IL1RAPL2: variants seen among roughly 807,000 people sequenced by gnomAD.
IL1RAPL2 encodes the protein X-linked interleukin-1 receptor accessory protein-like 2.
Under a neutral mutation model 44.1 loss-of-function variants are expected in IL1RAPL2, and 3 were observed. That is an observed-to-expected ratio of 0.07 (90% CI 0.03 to 0.18). The LOEUF is 0.18. Among genes scored for constraint, IL1RAPL2 ranks in the 10% least tolerant of loss-of-function variants. IL1RAPL2 has a pLI of 1.00. For synonymous variants in IL1RAPL2, 181 were observed against 178.8 expected, an observed-to-expected ratio of 1.01 and a Z score of -0.10; for missense variants, 391 against 496.4, an observed-to-expected ratio of 0.79 and a Z score of 2.02.
At chrX:104,639,988 C>T (rs1226585978) in intron 1 of IL1RAPL2, among the ~76,000 whole-genome samples, 4 of 111,430 alleles carry the variant, frequency 3.6e-5, no homozygotes, top group Non-Finnish European at 7.5e-5. Context: ...TTGTATCTGA[C>T]GGGATGGCTG....
chrX:105,034,674 G>A lies in IL1RAPL2; in HGVS notation c.83-160801G>A, dbSNP rs768543678. 8.0e-5 allele frequency among the ~76,000 whole-genome samples: 9 copies of A among 112,359 alleles called. No individual in the cohort carries two copies. The East Asian group carries it at 2.6e-3, about 32-fold the overall frequency. On this transcript the variant is annotated intron_variant, in intron 2 of 10. Transcript: ENST00000372582. Reference sequence around the variant, plus strand: ...CTACTGGGGGGTGCCTCCCAGTTAGGCTACTCTGGGGTCAGGGACCCACTT... The same window carrying A: ...CTACTGGGGGGTGCCTCCCAGTTAGACTACTCTGGGGTCAGGGACCCACTT...
intron 1 of IL1RAPL2, among the ~76,000 whole-genome samples, chrX:104,586,295 G>T (rs1298846187): frequency 9.0e-6 from 1 of 111,120 alleles, no homozygotes; most frequent in African/African-American, 3.3e-5. Flanking sequence ...AATGGGGTTT[G>T]ATTTTTGCTT....
intron 5 of IL1RAPL2, among the ~76,000 whole-genome samples, chrX:105,362,716 C>G (rs1426618288): frequency 9.0e-6 from 1 of 110,869 alleles, no homozygotes; most frequent in Non-Finnish European, 1.9e-5. Context: ...AAAAATAAAT[C>G]TAAATATTTT....
At chrX:105,361,348 G>T (rs1382412868) in intron 5 of IL1RAPL2, among the ~76,000 whole-genome samples, 1 of 111,001 alleles carries the variant, frequency 9.0e-6, no homozygotes, top group Non-Finnish European at 1.9e-5. Context: ...AAGTGAATAG[G>T]CCTGGAAGTG....
At chrX:105,482,019 T>C (rs2036236062) in intron 5 of IL1RAPL2, among the ~76,000 whole-genome samples, 1 of 112,468 alleles carries the variant, frequency 8.9e-6, no homozygotes, top group African/African-American at 3.2e-5. Flanking sequence ...ATGTATGTTT[T>C]ATACTCAAAA....
chrX:105,704,546 T>A (rs1231521241), intron 6 of IL1RAPL2, among the ~76,000 whole-genome samples: 1 of 112,130 alleles, frequency 8.9e-6, no homozygotes, highest in Non-Finnish European at 1.9e-5. Context: ...AAATATACTT[T>A]AAAAAATCTT....
At chrX:105,469,295 G>A (rs971968018) in intron 5 of IL1RAPL2, among the ~76,000 whole-genome samples, 2 of 110,601 alleles carry the variant, frequency 1.8e-5, no homozygotes, top group African/African-American at 6.6e-5. Context: ...TGTTTAGCCT[G>A]AAAGGGGAAG....
At chrX:105,640,021 T>C (rs190909771) in intron 6 of IL1RAPL2, among the ~76,000 whole-genome samples, 1 of 111,298 alleles carries the variant, frequency 9.0e-6, no homozygotes, top group African/African-American at 3.3e-5. Context: ...TCCAAAGATA[T>C]TCTGTGAAAA....
intron 2 of IL1RAPL2, among the ~76,000 whole-genome samples, chrX:104,968,446 A>G (rs1244329028): frequency 8.9e-6 from 1 of 111,937 alleles, no homozygotes; most frequent in East Asian, 2.8e-4. Flanking sequence ...TCAATGGTGA[A>G]ATGTTAGGTA....
intron 5 of IL1RAPL2, among the ~76,000 whole-genome samples, chrX:105,269,672 C>A (rs1345943939): frequency 1.8e-5 from 2 of 111,499 alleles, no homozygotes; most frequent in Non-Finnish European, 3.8e-5. Context: ...CAATCATGGG[C>A]AGTTGTACAT....
At chrX:104,753,795 C>T (rs1020022293) in intron 2 of IL1RAPL2, among the ~76,000 whole-genome samples, 1 of 111,561 alleles carries the variant, frequency 9.0e-6, no homozygotes, top group Non-Finnish European at 1.9e-5. Flanking sequence ...GAGAATAAAA[C>T]ATATGCAGCT....
At chrX:105,353,334 G>T (rs775783500) in intron 5 of IL1RAPL2, among the ~76,000 whole-genome samples, 9 of 111,281 alleles carry the variant, frequency 8.1e-5, no homozygotes, top group South Asian at 3.8e-4. Flanking sequence ...GTTACTGTAG[G>T]CTTGTAGTAT....
intron 2 of IL1RAPL2, among the ~76,000 whole-genome samples, chrX:105,095,657 A>C (rs1323461517): frequency 8.9e-6 from 1 of 111,887 alleles, no homozygotes; most frequent in African/African-American, 3.2e-5. Context: ...CAAAAGAATA[A>C]ATTTGGACCA....
At chrX:105,406,395 G>T (rs2035644688) in intron 5 of IL1RAPL2, 2 of 1,073,992 alleles carry the variant, frequency 1.9e-6, no homozygotes, top group Admixed American at 2.2e-5. Context: ...GAAGAAGCAA[G>T]ATTTTTTGGT....
chrX:105,601,870 A>G (rs947172017), intron 6 of IL1RAPL2, among the ~76,000 whole-genome samples: 5 of 111,008 alleles, frequency 4.5e-5, no homozygotes, highest in Non-Finnish European at 7.6e-5. Context: ...ACCCAGCAGT[A>G]CAGCCATAAT....
intron 2 of IL1RAPL2, among the ~76,000 whole-genome samples, chrX:104,954,319 C>G (rs780405189): frequency 2.7e-5 from 3 of 111,598 alleles, no homozygotes; most frequent in Non-Finnish European, 5.7e-5. Flanking sequence ...CCATCATTAC[C>G]TAAAAAACCA....
chrX:104,660,416 G>C (rs1201659513), intron 2 of IL1RAPL2, among the ~76,000 whole-genome samples: 2 of 109,358 alleles, frequency 1.8e-5, no homozygotes, highest in Admixed American at 2.0e-4. Context: ...GGTTTAAAAA[G>C]TCATCTGTAT....
rs1364203626 is a variant in IL1RAPL2, at chrX:105,747,006, G to A, written c.1049-1954G>A. Reference sequence around the variant, plus strand: ...CTATTTAAAATTGGCTTTTAATAATGTATAATTGATGGTGTATATAAGATG... The same window carrying A: ...CTATTTAAAATTGGCTTTTAATAATATATAATTGATGGTGTATATAAGATG... On this transcript the variant is annotated intron_variant, in intron 8 of 10. Coordinates refer to ENST00000372582, the MANE Select transcript of IL1RAPL2 (RefSeq NM_017416.2). 2.7e-5 allele frequency among the ~76,000 whole-genome samples: 3 copies of A among 111,324 alleles called. No homozygotes were observed. In the Admixed American group the frequency reaches 2.9e-4, roughly 11 times the overall value.
intron 4 of IL1RAPL2, among the ~76,000 whole-genome samples, chrX:105,236,317 T>C (rs2034119476): frequency 8.9e-6 from 1 of 112,321 alleles, no homozygotes; most frequent in African/African-American, 3.2e-5. Flanking sequence ...GGACCAACAA[T>C]GGTGAAGCAA....
Sources: allele counts gnomAD v4.1 joint callset (sites outside exome capture counted in the v4.1 genomes callset), GRCh38; gene constraint gnomAD v4.1.1; transcripts MANE v1.5; gene names NCBI Gene and HGNC (gene_info 2026-07-23, HGNC 2026-07-21).